The following MAP4K2 variants were observed in gnomAD, a reference collection of about 807,000 sequenced individuals.
The protein encoded by MAP4K2 is mitogen-activated protein kinase kinase kinase kinase 2.
A neutral mutation model predicts 125.3 loss-of-function variants in MAP4K2; 85 were observed. The ratio of observed to expected loss-of-function variants is 0.68; its 90% CI spans 0.57 to 0.81. The LOEUF is 0.81. MAP4K2 is among the 40% of genes least tolerant of loss of function. The pLI, the probability that MAP4K2 is intolerant of heterozygous loss-of-function variation, is 0.00. For missense variants in MAP4K2, 923 were observed against 1,056.4 expected, an observed-to-expected ratio of 0.87 and a Z score of 1.75; for synonymous variants, 479 against 445.1, an observed-to-expected ratio of 1.08 and a Z score of -0.96.
At position 64,802,120 on chromosome 11, in the gene MAP4K2, G is replaced by A. The variant is rs1289448023; in HGVS notation, c.312C>T (p.Ala104=). 1 of 1,612,980 alleles carries A rather than the reference G, an allele frequency of 6.2e-7. No homozygotes were observed. The highest frequency in any genetic ancestry group is 1.7e-5 in the Admixed American group (1 of 60,006). The change falls in exon 5 of 32, where the codon GCC becomes GCT. Residue 104 remains alanine, a splice_region_variant and synonymous_variant. Transcript: ENST00000294066. The part of the protein sequence containing the change: ...GGGSLQEIYH[A]TGPLEERQIA... Reference sequence around the variant, plus strand: ...TCTGCCGCTCCTCCAGGGGCCCAGTGGCTGAAAGGAAAAGGGAGAGGCTGG... The same window carrying A: ...TCTGCCGCTCCTCCAGGGGCCCAGTAGCTGAAAGGAAAAGGGAGAGGCTGG...
At chr11:64,794,052 C>G (rs1320583603) in intron 24 of MAP4K2, among the ~76,000 whole-genome samples, 1 of 152,194 alleles carries the variant, frequency 6.6e-6, no homozygotes, top group Non-Finnish European at 1.5e-5. Context: ...CACTGCTTCC[C>G]ACACCACCCA....
rs1314709581 is a variant in MAP4K2, at chr11:64,796,905, G to GC, written c.1408-13dup. ...AAGCAGGCGCCCATCTGCAGAGGAG[G>GC]CAAGAGGCTGGCGAGGGAGTGCAGG... On this transcript the variant is annotated splice_polypyrimidine_tract_variant and intron_variant, in intron 20 of 31. Coordinates refer to ENST00000294066, the MANE Select transcript of MAP4K2 (RefSeq NM_004579.5). The GC allele has an allele frequency of 5.0e-6, 8 of 1,613,874 alleles. No individual in the cohort carries two copies. The highest frequency in any genetic ancestry group is 6.8e-6 in the Non-Finnish European group (8 of 1,180,030).
At chr11:64,790,771 T>G (rs532630293) in intron 27 of MAP4K2, among the ~76,000 whole-genome samples, 119 of 152,286 alleles carry the variant, frequency 7.8e-4, no homozygotes, top group Non-Finnish European at 1.2e-3. Context: ...TCACTTTACC[T>G]CTCGGAGCCT....
intron 27 of MAP4K2, among the ~76,000 whole-genome samples, chr11:64,791,270 C>T (rs1323304969): frequency 6.6e-6 from 1 of 152,250 alleles, no homozygotes; most frequent in African/African-American, 2.4e-5. Flanking sequence ...CCCCAAGCTG[C>T]CACAACACCT....
At chr11:64,802,227 G>A in intron 4 of MAP4K2, 106 bp from the exon 5 acceptor site, 1 of 1,162,544 alleles carries the variant, frequency 8.6e-7, no homozygotes, top group Non-Finnish European at 1.3e-6. Flanking sequence ...TGAAAGCGGT[G>A]TTGGCCACGT....
At position 64,801,697 on chromosome 11, in the gene MAP4K2, G is replaced by C. The variant is rs755691018; in HGVS notation, c.414+13C>G. 2 of 1,613,930 alleles carry C rather than the reference G, an allele frequency of 1.2e-6. No homozygotes were observed. The highest frequency in any genetic ancestry group is 2.2e-5 in the South Asian group (2 of 91,072). On this transcript the variant is annotated intron_variant, in intron 6 of 31. Transcript: ENST00000294066. ...TCCTCCCTCCCCAGGAGTGCCCCCA[G>C]CTAGGTGCCTACCTTGATGTCTCTG...
In MAP4K2 at chr11:64,796,284, G is replaced by T. The variant is rs752656809; in HGVS notation, c.1740C>A (p.Arg580=). Residue 580 remains arginine (R), a synonymous_variant, in exon 24 of 32, where the codon CGC becomes CGA. Transcript: ENST00000294066. ...CCAAGATCCCTGACCTGGGGATGAT[G>T]CGCTGGGTGAGGCGGTTGGTGGGGA... ...LSIPTNRLTQ[R]IIPRRFALST... is the part of the protein sequence containing the mutation. 6.5e-7 allele frequency: 1 copy of T among 1,531,032 alleles called. No individual in the cohort carries two copies. The highest frequency in any genetic ancestry group is 8.8e-7 in the Non-Finnish European group (1 of 1,140,076). The allele number at this position is 1,531,032 out of a possible 1,614,324, so 94.8% of individuals were successfully genotyped here. A position where few individuals can be genotyped will look rare whatever the true frequency, so the allele number is the denominator to read the frequency against.
In MAP4K2 at chr11:64,799,682, G is replaced by A; in HGVS notation, c.917C>T (p.Thr306Ile). Residue 306 changes from threonine to isoleucine, a missense_variant and splice_region_variant, in exon 13 of 32, where the codon ACC becomes ATC. Around this residue, in one of 2 missense-constraint regions of MAP4K2, gnomAD observed 833 missense variants for 911.4 expected, o/e 0.91. Coordinates refer to ENST00000294066, the MANE Select transcript of MAP4K2 (RefSeq NM_004579.5). ...AATGGTGTCTGGAAACATGTCATAG[G>A]TCTAAGGAAAAACAGAAACAGTGTG... ...TPSPEDCELE[T>I]YDMFPDTIHS... 6.2e-7 allele frequency: 1 copy of A among 1,613,604 alleles called. No homozygotes were observed. Among genetic ancestry groups the A allele is most frequent in the Non-Finnish European group, 8.5e-7 (1 of 1,179,884 alleles).
chr11:64,794,312 C>A (rs1210997357), intron 24 of MAP4K2, among the ~76,000 whole-genome samples: 1 of 152,246 alleles, frequency 6.6e-6, no homozygotes, highest in African/African-American at 2.4e-5. Flanking sequence ...GGAAATCCTA[C>A]TGGCTCAACT....
chr11:64,796,670 G>A lies in MAP4K2; in HGVS notation c.1536C>T (p.Leu512=). Residue 512 remains leucine (L), a synonymous_variant, in exon 22 of 32, where the codon CTC becomes CTT. Transcript: ENST00000294066. ...TATCCTCATGCAGTTCATGCAGGTT[G>A]AGTGTGTAGATGCCTTCCTCGGCCC... ...VVGAEEGIYT[L]NLHELHEDTL... 6.2e-7 allele frequency: 1 copy of A among 1,614,100 alleles called. No homozygotes were observed. Among genetic ancestry groups the A allele is most frequent in the Non-Finnish European group, 8.5e-7 (1 of 1,180,036 alleles).
chr11:64,791,918 T>G lies in MAP4K2; in HGVS notation c.2083A>C (p.Ile695Leu), dbSNP rs559558840. The change falls in exon 27 of 32, where the codon ATC becomes CTC. Residue 695 changes from isoleucine (I) to leucine (L), a missense_variant. This residue lies in a region of MAP4K2 where 833 missense variants were observed against 911.4 expected (regional missense o/e 0.91). Coordinates refer to ENST00000294066, the MANE Select transcript of MAP4K2 (RefSeq NM_004579.5). ...TGGCCCTTCTGCTCACCAGGTGGGA[T>G]GAGGATGTCGGGCGTCAGGCCAGCC... Reference protein sequence around the residue: ...LEAGLTPDILIPPEGIPGSAQ... With the variant: ...LEAGLTPDILLPPEGIPGSAQ... 16 of 1,590,408 alleles carry G rather than the reference T, an allele frequency of 1.0e-5. No homozygotes were observed. The East Asian group carries it at 3.2e-4, about 31-fold the overall frequency.
rs769318912 is a variant in MAP4K2, at chr11:64,792,302, C to T, written c.1811-27G>A. ...TGGCAGGGGAGCAGGCAGTGGGCACCGGGCTGGGCCTGCGCTGCCCCCCAC... is the reference window on the plus strand; with the variant it reads ...TGGCAGGGGAGCAGGCAGTGGGCACTGGGCTGGGCCTGCGCTGCCCCCCAC... On this transcript the variant is annotated intron_variant, in intron 25 of 31. Transcript: ENST00000294066. 20 of 1,595,186 alleles carry T rather than the reference C, an allele frequency of 1.3e-5. No homozygotes were observed. The East Asian group carries it at 2.1e-4, about 16-fold the overall frequency.
rs1325977699 is a variant in MAP4K2 at position 64,792,265 on chromosome 11, G to A, written c.1821C>T (p.Pro607=). The A allele has an allele frequency of 1.2e-6, 2 of 1,610,214 alleles. No individual in the cohort carries two copies. Among genetic ancestry groups the A allele is most frequent in the East Asian group, 2.2e-5 (1 of 44,786 alleles). Residue 607 remains proline, a synonymous_variant, in exon 26 of 32, where the codon CCC becomes CCT. Coordinates refer to ENST00000294066, the MANE Select transcript of MAP4K2 (RefSeq NM_004579.5). ...CCAGCAGGAAGGTGGCACCCGTGTA[G>A]GGGTTCCGCACTGGCAGGGGAGCAG... ...GCLQCRVVRN[P]YTGATFLLAA...
Position 64,792,351 on chromosome 11 carries a change from G to GC in MAP4K2, c.1810+12dup. ...ACCAGGCCCCGCCCCACCCCGCCCA[G>GC]CCCATTTCTTACCCACACGACACTG... On this transcript the variant is annotated intron_variant, in intron 25 of 31. Coordinates refer to ENST00000294066, the MANE Select transcript of MAP4K2 (RefSeq NM_004579.5). 2.3e-6 allele frequency: 1 copy of GC among 438,078 alleles called. No homozygotes were observed. The allele number at this position is 438,078 out of a possible 1,614,324, so 27.1% of individuals were successfully genotyped here. A position where few individuals can be genotyped will look rare whatever the true frequency, so the allele number is the denominator to read the frequency against.
At position 64,789,543 on chromosome 11, in the gene MAP4K2, G is replaced by T; in HGVS notation, c.2457C>A (p.Thr819=). Reference sequence around the variant, plus strand: ...CTGGACAGGCCCGCTGCTCTTAGTAGGTGCTCTGGTGGCCCGTGAGGATGT... The same window carrying T: ...CTGGACAGGCCCGCTGCTCTTAGTATGTGCTCTGGTGGCCCGTGAGGATGT... ...NLYILTGHQS[T]Y Residue 819 remains threonine, a synonymous_variant, in exon 32 of 32, where the codon ACC becomes ACA. Transcript: ENST00000294066. The T allele has an allele frequency of 1.3e-6, 2 of 1,582,636 alleles. No individual in the cohort carries two copies. The highest frequency in any genetic ancestry group is 2.3e-5 in the South Asian group (2 of 86,770).
chr11:64,797,314 T>C lies in MAP4K2; in HGVS notation c.1237A>G (p.Thr413Ala), dbSNP rs776811635. The C allele has an allele frequency of 1.2e-6, 2 of 1,602,342 alleles. No individual in the cohort carries two copies. Among genetic ancestry groups the C allele is most frequent in the East Asian group, 4.5e-5 (2 of 44,410 alleles). Residue 413 changes from threonine to alanine, a missense_variant, in exon 18 of 32, where the codon ACT becomes GCT. Thr to Ala is a moderately conservative substitution (Grantham distance 58). This residue lies in a region of MAP4K2 where 833 missense variants were observed against 911.4 expected (regional missense o/e 0.91). Transcript: ENST00000294066. ...AGAGGCTCCTCTGCTGGAGGGTCAG[T>C]GGGGAGTGGCCCTAGGAACGGGGCC... ...KRAPFLGPLPTDPPAEEPLSS... is the reference protein window; with the variant it reads ...KRAPFLGPLPADPPAEEPLSS...
chr11:64,796,368 G>A lies in MAP4K2; in HGVS notation c.1656C>T (p.Ala552=). ...SLSGKSTHIW[A]HDLPGLFEQR... is the part of the protein sequence containing the mutation. Reference sequence around the variant, plus strand: ...GCTCAAACAGGCCTGGGAGGTCATGGGCCCAGATGTGCGTGGATTTCCCTG... The same window carrying A: ...GCTCAAACAGGCCTGGGAGGTCATGAGCCCAGATGTGCGTGGATTTCCCTG... The change falls in exon 24 of 32, where the codon GCC becomes GCT. Residue 552 remains alanine, a synonymous_variant. Transcript: ENST00000294066. 1.9e-6 allele frequency: 3 copies of A among 1,595,920 alleles called. No homozygotes were observed. Among genetic ancestry groups the A allele is most frequent in the Non-Finnish European group, 2.6e-6 (3 of 1,169,782 alleles).
chr11:64,800,377 G>A lies in MAP4K2; in HGVS notation c.741C>T (p.His247=), dbSNP rs751403244. 1.9e-6 allele frequency: 3 copies of A among 1,614,084 alleles called. No individual in the cohort carries two copies. The highest frequency in any genetic ancestry group is 1.1e-5 in the South Asian group (1 of 91,088). ...RDKTRWTQNF[H]HFLKLALTKN... The stretch of plus-strand genomic sequence containing the variant: ...TGGTCAGGGCCAGTTTGAGAAAGTG[G>A]TGGAAATTCTGGGTCCTAGAAGGCA... The change falls in exon 11 of 32, where the codon CAC becomes CAT. Residue 247 remains histidine, a synonymous_variant. Transcript: ENST00000294066.
In MAP4K2 at chr11:64,799,674, T is replaced by C. The variant is rs560717069; in HGVS notation, c.925A>G (p.Met309Val). ...PEDCELETYD[M>V]FPDTIHSRGQ... ...CGGGAGTGAATGGTGTCTGGAAACA[T>C]GTCATAGGTCTAAGGAAAAACAGAA... is the stretch of plus-strand genomic sequence containing the variant. Residue 309 changes from methionine (M) to valine (V), a missense_variant, in exon 13 of 32, where the codon ATG (methionine) becomes GTG (valine). This residue lies in a region of MAP4K2 where 833 missense variants were observed against 911.4 expected (regional missense o/e 0.91). Coordinates refer to ENST00000294066, the MANE Select transcript of MAP4K2 (RefSeq NM_004579.5). 8 of 1,613,682 alleles carry C rather than the reference T, an allele frequency of 5.0e-6. No homozygotes were observed. The African/African-American group carries it at 9.3e-5, about 19-fold the overall frequency.
Sources: allele counts gnomAD v4.1 joint callset (sites outside exome capture counted in the v4.1 genomes callset), GRCh38; gene constraint gnomAD v4.1.1; regional missense constraint gnomAD v4.1.1; transcripts MANE v1.5; gene names NCBI Gene and HGNC (gene_info 2026-07-23, HGNC 2026-07-21).